The following NHEJ1 variants were observed in gnomAD, a reference collection of about 807,000 sequenced individuals.
NHEJ1 encodes non-homologous end-joining factor 1.
NHEJ1 carries 22 observed loss-of-function variants against 39.4 expected under a neutral mutation model. The observed-to-expected ratio is 0.56, with a 90% CI of 0.40 to 0.80. NHEJ1 has a LOEUF of 0.80. Ranked by LOEUF, NHEJ1 falls within the 30% of genes least tolerant of loss-of-function variation. The probability of loss-of-function intolerance (pLI) is 0.00; values close to 1 mark genes in which losing one functional copy is unlikely to be tolerated. For missense variants in NHEJ1, 329 were observed against 357.1 expected (o/e 0.92, Z 0.63); for synonymous variants, 154 against 135.6 (o/e 1.14, Z -0.94).
chr2:219,096,208 T>C (rs866300163), intron 5 of NHEJ1, among the ~76,000 whole-genome samples: 5 of 152,244 alleles, frequency 3.3e-5, no homozygotes, highest in African/African-American at 1.2e-4. Context: ...TTTGCAAGAC[T>C]AATCCCTCAG....
At chr2:219,078,334 C>T (rs1348738364) in intron 5 of NHEJ1, 128 bp from the exon 6 acceptor site, 12 of 806,866 alleles carry the variant, frequency 1.5e-5, no homozygotes, top group African/African-American at 3.3e-5. Context: ...CAATAGGGGG[C>T]GACCATATCC....
At chr2:219,078,752 G>C (rs868717716) in intron 5 of NHEJ1, among the ~76,000 whole-genome samples, 3 of 152,130 alleles carry the variant, frequency 2.0e-5, no homozygotes, top group African/African-American at 7.2e-5. Flanking sequence ...CCCCACTGCT[G>C]TCCCACCCTC....
At chr2:219,081,317 G>A (rs571940257) in intron 5 of NHEJ1, among the ~76,000 whole-genome samples, 39 of 152,240 alleles carry the variant, frequency 2.6e-4, no homozygotes, top group Admixed American at 8.5e-4. Flanking sequence ...TGGGGCAGGC[G>A]GCAGAGATCA....
chr2:219,111,628 G>GACAC lies in NHEJ1; in HGVS notation c.589-33426_589-33423dup, dbSNP rs368706049. On this transcript the variant is annotated intron_variant, in intron 5 of 7. Transcript: ENST00000356853. The surrounding 1 kb of genome is among the most constrained non-coding windows in gnomAD (Gnocchi z 4.1). ...GAATTAAGTCTACAGTGTGAATACA[G>GACAC]ACACACACACACACACACACACACA... Among the ~76,000 whole-genome samples the GACAC allele has an allele frequency of 0.092, 12,779 of 138,172 alleles. 695 individuals are homozygous for GACAC. The highest frequency in any genetic ancestry group is 0.12 in the Non-Finnish European group (7,743 of 64,816). The allele number at this position is 138,172 out of a possible 152,430, so 90.6% of individuals were successfully genotyped here.
intron 3 of NHEJ1, among the ~76,000 whole-genome samples, chr2:219,149,917 GGCA>G (rs1949779593): frequency 6.6e-6 from 1 of 152,232 alleles, no homozygotes; most frequent in Non-Finnish European, 1.5e-5. Context: ...TACAAAAACA[GGCA>G]GCAAGCCAGA....
chr2:219,147,656 CCTCGAATCAGCGTAG>C lies in NHEJ1; in HGVS notation c.515_529del (p.Ala172_Arg176del). 6.2e-7 allele frequency: 1 copy of C among 1,614,160 alleles called. No individual in the cohort carries two copies. The highest frequency in any genetic ancestry group is 2.2e-5 in the East Asian group (1 of 44,884). ...CAACTCCTCCAAGAATGTCCTCTTA[CCTCGAATCAGCGTAG>C]CCCCACTCTCCTGGTAGTCTTGGAT... On this transcript the variant is annotated inframe_deletion and splice_region_variant, in exon 4 of 8. Transcript: ENST00000356853.
chr2:219,124,782 G>C (rs1482216200), intron 5 of NHEJ1: 1 of 151,998 alleles, frequency 6.6e-6, no homozygotes, highest in Non-Finnish European at 1.5e-5. Context: ...TGAGGGCTGT[G>C]ACATTATTAC....
intron 5 of NHEJ1, among the ~76,000 whole-genome samples, chr2:219,116,682 G>A (rs1317618896): frequency 6.6e-6 from 1 of 152,052 alleles, no homozygotes; most frequent in African/African-American, 2.4e-5. Context: ...TGATCCCAAA[G>A]GATTCAGGTC....
At chr2:219,159,556 T>TATATGC (rs1949900354) in intron 1 of NHEJ1, among the ~76,000 whole-genome samples, 1 of 16,540 alleles carries the variant, frequency 6.0e-5, no homozygotes, top group Non-Finnish European at 2.4e-4. Flanking sequence ...TATATGCATA[T>TATATGC]ATATATGCAT....
intron 5 of NHEJ1, among the ~76,000 whole-genome samples, chr2:219,101,488 G>A (rs1257218628): frequency 6.6e-6 from 1 of 152,006 alleles, no homozygotes; most frequent in Non-Finnish European, 1.5e-5. Context: ...ATAGCTCACT[G>A]CAGCGTCAAA....
chr2:219,089,404 C>T (rs964320415), intron 5 of NHEJ1, among the ~76,000 whole-genome samples: 1 of 152,034 alleles, frequency 6.6e-6, no homozygotes, highest in African/African-American at 2.4e-5. Flanking sequence ...ATTGTTCTAC[C>T]ATAAGAAGGA....
At chr2:219,139,195 C>T (rs1949666927) in intron 5 of NHEJ1, among the ~76,000 whole-genome samples, 1 of 151,996 alleles carries the variant, frequency 6.6e-6, no homozygotes, top group African/African-American at 2.4e-5. Context: ...TCAAGCAATT[C>T]TCCCACCTCA....
At chr2:219,101,871 A>G (rs1949264394) in intron 5 of NHEJ1, among the ~76,000 whole-genome samples, 1 of 151,976 alleles carries the variant, frequency 6.6e-6, no homozygotes, top group South Asian at 2.1e-4. Flanking sequence ...GATTACAGGC[A>G]TGTGCCACCA....
intron 5 of NHEJ1, among the ~76,000 whole-genome samples, chr2:219,137,171 G>T (rs947989955): frequency 2.6e-5 from 4 of 151,530 alleles, no homozygotes; most frequent in Admixed American, 6.6e-5. Context: ...ACAAAATATA[G>T]TTGAGAAACA....
Position 219,156,568 on chromosome 2 carries a change from T to C in NHEJ1, c.390+904A>G, listed in dbSNP as rs140405992. On this transcript the variant is annotated intron_variant, in intron 3 of 7. Coordinates refer to ENST00000356853, the MANE Select transcript of NHEJ1 (RefSeq NM_024782.3). ...TAAAGCTATGAGTGAGTAGAGGATATTATCCCCCTAGTCTCTGAAAATGAG... is the reference window on the plus strand; with the variant it reads ...TAAAGCTATGAGTGAGTAGAGGATACTATCCCCCTAGTCTCTGAAAATGAG... Among the ~76,000 whole-genome samples the C allele has an allele frequency of 3.6e-3, 550 of 152,338 alleles. 2 individuals carry two copies. Among genetic ancestry groups the C allele is most frequent in the African/African-American group, 0.013 (522 of 41,570 alleles).
chr2:219,106,330 G>C (rs1414320805), intron 5 of NHEJ1, among the ~76,000 whole-genome samples: 2 of 152,170 alleles, frequency 1.3e-5, no homozygotes, highest in African/African-American at 4.8e-5. Flanking sequence ...GGATAAAAAA[G>C]GAGCGATTAG....
At chr2:219,089,173 C>A (rs918914371) in intron 5 of NHEJ1, among the ~76,000 whole-genome samples, 5 of 152,068 alleles carry the variant, frequency 3.3e-5, no homozygotes, top group Non-Finnish European at 5.9e-5. Flanking sequence ...TGGAAAACAG[C>A]GAGGTAGTTA....
chr2:219,107,786 T>C (rs1490642918), intron 5 of NHEJ1, among the ~76,000 whole-genome samples: 1 of 152,108 alleles, frequency 6.6e-6, no homozygotes, highest in Non-Finnish European at 1.5e-5. Context: ...CCATACTGGT[T>C]CTAAGGGCTC....
At chr2:219,118,403 C>T (rs1183992066) in intron 5 of NHEJ1, among the ~76,000 whole-genome samples, 1 of 152,004 alleles carries the variant, frequency 6.6e-6, no homozygotes, top group Non-Finnish European at 1.5e-5. Context: ...CTCTGGGGTC[C>T]AAAATGCTCT....
Sources: gnomAD v4.1 joint callset for allele counts (sites outside exome capture counted in the v4.1 genomes callset) on GRCh38, gnomAD v4.1.1 for gene constraint, Gnocchi (gnomAD v3.1) non-coding constraint, MANE v1.5 for transcripts, NCBI Gene and HGNC (gene_info 2026-07-23, HGNC 2026-07-21) for gene names.